MARCHF3: variants seen among roughly 807,000 people sequenced by gnomAD.
The protein encoded by MARCHF3 is membrane associated ring-CH-type finger 3, also known as E3 ubiquitin-protein ligase MARCHF3.
Under a neutral mutation model 24.2 loss-of-function variants are expected in MARCHF3, and 13 were observed. The ratio of observed to expected loss-of-function variants is 0.54; its 90% CI spans 0.35 to 0.85. The LOEUF (loss-of-function observed/expected upper bound fraction) is 0.85. Ranked by LOEUF, MARCHF3 falls within the 40% of genes least tolerant of loss-of-function variation. The pLI, the probability that MARCHF3 is intolerant of heterozygous loss-of-function variation, is 0.01. For synonymous variants in MARCHF3, 144 were observed against 137.3 expected (o/e 1.05, Z -0.34); for missense variants, 276 against 325.0 (o/e 0.85, Z 1.16).
At chr5:126,934,156 A>G (rs2126805454) in intron 1 of MARCHF3, among the ~76,000 whole-genome samples, 1 of 152,162 alleles carries the variant, frequency 6.6e-6, no homozygotes, top group East Asian at 1.9e-4. Context: ...ACCTGACAGA[A>G]CCTCTCTACT....
intron 1 of MARCHF3, among the ~76,000 whole-genome samples, chr5:126,930,812 T>C (rs1749459282): frequency 6.6e-6 from 1 of 152,216 alleles, no homozygotes; most frequent in Non-Finnish European, 1.5e-5. Context: ...CTGACAAGTG[T>C]CTCTGAGACT....
intron 1 of MARCHF3, among the ~76,000 whole-genome samples, chr5:127,005,133 CTT>C (rs937505290): frequency 3.3e-5 from 4 of 122,522 alleles, no homozygotes; most frequent in African/African-American, 3.2e-5. Context: ...CTCAGAAAGT[CTT>C]TTTTTTTTTT....
At chr5:126,934,187 AT>A (rs996597201) in intron 1 of MARCHF3, among the ~76,000 whole-genome samples, 55 of 151,806 alleles carry the variant, frequency 3.6e-4, no homozygotes, top group African/African-American at 1.3e-3. Context: ...TTATTTATTT[AT>A]TTTTTTTACA....
chr5:127,008,025 T>G (rs1356804612), intron 1 of MARCHF3, among the ~76,000 whole-genome samples: 1 of 151,830 alleles, frequency 6.6e-6, no homozygotes, highest in Non-Finnish European at 1.5e-5. Flanking sequence ...GTATCTTACT[T>G]AACACATGGC....
intron 3 of MARCHF3, among the ~76,000 whole-genome samples, chr5:126,889,289 C>A (rs1452281766): frequency 6.6e-6 from 1 of 151,956 alleles, no homozygotes; most frequent in African/African-American, 2.4e-5. Context: ...AGAGCCCCCA[C>A]TGGAGCACCA....
chr5:126,958,083 A>G (rs1367837898), intron 1 of MARCHF3, among the ~76,000 whole-genome samples: 2 of 152,116 alleles, frequency 1.3e-5, no homozygotes, highest in African/African-American at 4.8e-5. Context: ...TTTTGTATAC[A>G]GATTTTTATT....
chr5:126,966,323 A>C (rs1036697861), intron 1 of MARCHF3, among the ~76,000 whole-genome samples: 1 of 152,162 alleles, frequency 6.6e-6, no homozygotes, highest in Non-Finnish European at 1.5e-5. Context: ...AAAAATTTTT[A>C]TTATATGTAA....
intron 3 of MARCHF3, among the ~76,000 whole-genome samples, chr5:126,890,415 C>A (rs892487460): frequency 3.4e-5 from 5 of 148,410 alleles, no homozygotes; most frequent in Non-Finnish European, 6.0e-5. Flanking sequence ...TTAGGTATAT[C>A]TCCCAATGCT....
In MARCHF3 at chr5:126,869,581, G is replaced by GATTT. The variant is rs1554118635; in HGVS notation, c.*1051_*1052insAAAT. 4.8e-5 allele frequency: 1 copy of GATTT among 20,920 alleles called. No individual in the cohort carries two copies. Among genetic ancestry groups the GATTT allele is most frequent in the African/African-American group, 1.4e-4 (1 of 7,086 alleles). The allele number at this position is 20,920 out of a possible 1,614,324, so 1.3% of individuals were successfully genotyped here. A position where few individuals can be genotyped will look rare whatever the true frequency, so the allele number is the denominator to read the frequency against. ...AATAAGTGCAGGGCTGCTAGGACAG[G>GATTT]CTTTTTTTTTTTTTTTTTTTTTTGC... On this transcript the variant is annotated 3_prime_UTR_variant, in exon 5 of 5. Transcript: ENST00000308660.
At chr5:126,922,830 G>C (rs948850743) in intron 1 of MARCHF3, among the ~76,000 whole-genome samples, 1 of 152,182 alleles carries the variant, frequency 6.6e-6, no homozygotes, top group Non-Finnish European at 1.5e-5. Context: ...ACAGGCGTGA[G>C]CCACTGCGCC....
chr5:126,886,797 G>C (rs565360192), intron 3 of MARCHF3, among the ~76,000 whole-genome samples: 14 of 152,126 alleles, frequency 9.2e-5, no homozygotes, highest in African/African-American at 2.9e-4. Flanking sequence ...CCTCTCTCAG[G>C]GTGGCCCATA....
chr5:126,968,372 G>A (rs1011447645), intron 1 of MARCHF3, among the ~76,000 whole-genome samples: 3 of 152,112 alleles, frequency 2.0e-5, no homozygotes, highest in South Asian at 4.1e-4. Context: ...TAAGGGTTCC[G>A]GTTTCTCCAA....
intron 1 of MARCHF3, among the ~76,000 whole-genome samples, chr5:126,943,063 A>G (rs1393293960): frequency 6.6e-6 from 1 of 152,196 alleles, no homozygotes; most frequent in Non-Finnish European, 1.5e-5. Flanking sequence ...AGGCGGGTGG[A>G]TCAGTTGAGG....
intron 4 of MARCHF3, among the ~76,000 whole-genome samples, chr5:126,875,131 C>T (rs759592305): frequency 7.2e-5 from 11 of 152,210 alleles, no homozygotes; most frequent in Admixed American, 1.3e-4. Context: ...CAGTTCTCAG[C>T]CAGCTCTCTT....
intron 2 of MARCHF3, among the ~76,000 whole-genome samples, chr5:126,915,387 G>A (rs1381982204): frequency 6.6e-6 from 1 of 152,246 alleles, no homozygotes; most frequent in Non-Finnish European, 1.5e-5. Context: ...AGGATCAAAA[G>A]TGAGTGAAAA....
chr5:126,909,191 C>G (rs1580629020), intron 3 of MARCHF3, among the ~76,000 whole-genome samples: 1 of 152,224 alleles, frequency 6.6e-6, no homozygotes, highest in Admixed American at 6.5e-5. Flanking sequence ...AGATCTCCAG[C>G]TGCATGCTGG....
At chr5:126,909,491 C>G (rs1157453648) in intron 3 of MARCHF3, among the ~76,000 whole-genome samples, 2 of 152,348 alleles carry the variant, frequency 1.3e-5, no homozygotes, top group South Asian at 4.1e-4. Flanking sequence ...GCGTAGGACC[C>G]TCCGAGCCAC....
intron 2 of MARCHF3, among the ~76,000 whole-genome samples, chr5:126,916,684 G>GACACAC (rs1409013068): frequency 0.01 from 948 of 93,348 alleles, 19 homozygotes; most frequent in African/African-American, 0.043. Context: ...CTGACAGACA[G>GACACAC]ACAGACAGAC....
intron 3 of MARCHF3, among the ~76,000 whole-genome samples, chr5:126,878,987 C>T (rs939496076): frequency 1.3e-5 from 2 of 152,164 alleles, no homozygotes; most frequent in South Asian, 4.1e-4. Flanking sequence ...TTATGGTGAA[C>T]ACCTATTTTT....
Sources: gnomAD v4.1 joint callset for allele counts (sites outside exome capture counted in the v4.1 genomes callset) on GRCh38, gnomAD v4.1.1 for gene constraint, MANE v1.5 for transcripts, NCBI Gene and HGNC (gene_info 2026-07-23, HGNC 2026-07-21) for gene names.